Variants in ATAD1 observed in about 807,000 individuals in gnomAD.
ATAD1 encodes the protein outer mitochondrial transmembrane helix translocase.
A neutral mutation model predicts 42.7 loss-of-function variants in ATAD1; 18 were observed. That is an observed-to-expected ratio of 0.42 (90% CI 0.29 to 0.63). The LOEUF is 0.63. ATAD1 is among the 20% of genes least tolerant of loss of function. ATAD1 has a pLI of 0.19. For missense variants in ATAD1, 294 were observed against 440.4 expected, an observed-to-expected ratio of 0.67 and a Z score of 2.98; for synonymous variants, 132 against 143.1, an observed-to-expected ratio of 0.92 and a Z score of 0.55.
At chr10:87,792,486 G>T (rs1856170973) in intron 3 of ATAD1, among the ~76,000 whole-genome samples, 171 bp downstream of exon 3, 1 of 151,970 alleles carries the variant, frequency 6.6e-6, no homozygotes, top group Non-Finnish European at 1.5e-5. Context: ...ATTTTGCTTT[G>T]TATCTTTTCA....
At chr10:87,769,500 C>T (rs1854926653) in intron 7 of ATAD1, among the ~76,000 whole-genome samples, 1 of 152,186 alleles carries the variant, frequency 6.6e-6, no homozygotes, top group Non-Finnish European at 1.5e-5. Context: ...ACATCTCAGG[C>T]TCTCATAGCT....
intron 8 of ATAD1, among the ~76,000 whole-genome samples, chr10:87,762,385 T>C (rs1854520579): frequency 6.6e-6 from 1 of 152,170 alleles, no homozygotes; most frequent in Admixed American, 6.5e-5. Context: ...TCCCCTTTAT[T>C]TTCTTCTCTA....
At chr10:87,781,298 A>C (rs867823780) in intron 5 of ATAD1, among the ~76,000 whole-genome samples, 3 of 152,202 alleles carry the variant, frequency 2.0e-5, no homozygotes, top group Non-Finnish European at 4.4e-5. Flanking sequence ...AAATTCTAAA[A>C]TAACAAGCTA....
At chr10:87,773,481 T>C (rs1855147520) in intron 6 of ATAD1, among the ~76,000 whole-genome samples, 1 of 152,228 alleles carries the variant, frequency 6.6e-6, no homozygotes, top group Non-Finnish European at 1.5e-5. Context: ...CTGGTTCATA[T>C]GAAAGTAGAA....
At chr10:87,778,914 A>T (rs1855442196) in intron 5 of ATAD1, among the ~76,000 whole-genome samples, 1 of 152,218 alleles carries the variant, frequency 6.6e-6, no homozygotes, top group Non-Finnish European at 1.5e-5. Context: ...AAAACTATAA[A>T]ACTTCTAGGA....
chr10:87,764,087 C>T (rs1854621119), intron 8 of ATAD1, among the ~76,000 whole-genome samples: 1 of 151,914 alleles, frequency 6.6e-6, no homozygotes, highest in Admixed American at 6.6e-5. Flanking sequence ...ACACGAAAGA[C>T]CAAGACCTGA....
chr10:87,771,710 C>T (rs1855039819), intron 6 of ATAD1, among the ~76,000 whole-genome samples: 1 of 150,664 alleles, frequency 6.6e-6, no homozygotes, highest in Admixed American at 6.6e-5. Flanking sequence ...GCAGCCCTGC[C>T]AACCTCTGAG....
rs374216344 is a variant in ATAD1 at position 87,794,479 on chromosome 10, T to G, written c.163-1724A>C. ...ATGTGAAACCCTCCCACATGTGTTC[T>G]TTTTAAGCAACGCTCGAAGACAGTG... On this transcript the variant is annotated intron_variant, in intron 2 of 9. Transcript: ENST00000680024. Among the ~76,000 whole-genome samples, 7 of 152,368 alleles carry G rather than the reference T, an allele frequency of 4.6e-5. No individual in the cohort carries two copies. In the East Asian group the frequency reaches 1.3e-3, roughly 29 times the overall value.
intron 4 of ATAD1, among the ~76,000 whole-genome samples, chr10:87,785,131 T>C (rs1855764678): frequency 6.6e-6 from 1 of 152,220 alleles, no homozygotes; most frequent in African/African-American, 2.4e-5. Context: ...TGTGCCTTTT[T>C]CCAAACAATC....
In ATAD1 at chr10:87,752,999, A is replaced by G. The variant is rs1438521014; in HGVS notation, c.*1688T>C. The G allele has an allele frequency of 1.3e-5, 2 of 152,182 alleles. No individual in the cohort carries two copies. Among genetic ancestry groups the G allele is most frequent in the Non-Finnish European group, 2.9e-5 (2 of 68,004 alleles). The allele number at this position is 152,182 out of a possible 1,614,324, so 9.4% of individuals were successfully genotyped here. ...GACTAGATACTAGGATATGTGCTATAGAAGTGTGAAAACTCCATAGCAAGA... is the reference window on the plus strand; with the variant it reads ...GACTAGATACTAGGATATGTGCTATGGAAGTGTGAAAACTCCATAGCAAGA... On this transcript the variant is annotated 3_prime_UTR_variant, in exon 10 of 10. Coordinates refer to ENST00000680024, the MANE Select transcript of ATAD1 (RefSeq NM_001321967.2).
At chr10:87,772,594 G>A (rs749663657) in intron 6 of ATAD1, among the ~76,000 whole-genome samples, 1 of 152,058 alleles carries the variant, frequency 6.6e-6, no homozygotes, top group Non-Finnish European at 1.5e-5. Flanking sequence ...GGGAAAAAGG[G>A]AAATGGCCAG....
Position 87,799,380 on chromosome 10 carries a change from T to C in ATAD1, c.163-6625A>G, listed in dbSNP as rs571756946. On this transcript the variant is annotated intron_variant, in intron 2 of 9. Transcript: ENST00000680024. ...CTACATCTTGAAGTTAGTAAGATTA[T>C]CATAACTTCTAATCTTGTGGCTTTA... is the stretch of plus-strand genomic sequence containing the variant. 1.4e-4 allele frequency among the ~76,000 whole-genome samples: 21 copies of C among 152,360 alleles called. No homozygotes were observed. The South Asian group carries it at 4.1e-3, about 30-fold the overall frequency.
intron 1 of ATAD1, among the ~76,000 whole-genome samples, chr10:87,829,241 ATTTATTTATTTAT>A (rs1564790120): frequency 4.7e-5 from 7 of 148,692 alleles, no homozygotes; most frequent in Admixed American, 2.7e-4. Flanking sequence ...TTTATTATTT[ATTTATTTATTTAT>A]TTATTTATTT....
chr10:87,834,608 C>T (rs1383218678), intron 1 of ATAD1, among the ~76,000 whole-genome samples: 1 of 152,084 alleles, frequency 6.6e-6, no homozygotes, highest in East Asian at 1.9e-4. Context: ...AATACCATTG[C>T]ATTTGTAGTG....
chr10:87,807,054 C>T (rs1258540961), intron 2 of ATAD1, among the ~76,000 whole-genome samples: 1 of 152,146 alleles, frequency 6.6e-6, no homozygotes, highest in Non-Finnish European at 1.5e-5. Context: ...TTTTGAGTTA[C>T]TCATCTCTGG....
At chr10:87,765,632 G>C (rs1442988339) in intron 8 of ATAD1, among the ~76,000 whole-genome samples, 1 of 152,054 alleles carries the variant, frequency 6.6e-6, no homozygotes, top group South Asian at 2.1e-4. Flanking sequence ...TAGAAAAATG[G>C]GCAAAATATA....
intron 7 of ATAD1, among the ~76,000 whole-genome samples, chr10:87,768,700 T>C (rs1200863882): frequency 6.6e-6 from 1 of 152,248 alleles, no homozygotes; most frequent in Non-Finnish European, 1.5e-5. Context: ...CAACCCATTT[T>C]GATTACTCAC....
At chr10:87,769,684 C>T (rs1854936788) in intron 7 of ATAD1, among the ~76,000 whole-genome samples, 1 of 152,192 alleles carries the variant, frequency 6.6e-6, no homozygotes, top group East Asian at 1.9e-4. Context: ...TGCAGTGACT[C>T]ATGCCTGTAA....
intron 4 of ATAD1, among the ~76,000 whole-genome samples, chr10:87,786,142 A>C (rs1336413000): frequency 6.6e-6 from 1 of 152,204 alleles, no homozygotes; most frequent in Admixed American, 6.5e-5. Flanking sequence ...TGGAATTATT[A>C]ATTTCATCAT....
Sources: gnomAD v4.1 joint callset for allele counts (sites outside exome capture counted in the v4.1 genomes callset) on GRCh38, gnomAD v4.1.1 for gene constraint, MANE v1.5 for transcripts, NCBI Gene and HGNC (gene_info 2026-07-23, HGNC 2026-07-21) for gene names.